The following BRF1 variants were observed in gnomAD, a reference collection of about 807,000 sequenced individuals.
BRF1 encodes the protein transcription factor IIIB 90 kDa subunit.
In BRF1, 59 loss-of-function variants were observed where a neutral mutation model predicts 81.7. That is an observed-to-expected ratio of 0.72 (90% CI 0.59 to 0.90). BRF1 has a LOEUF of 0.90. Among genes scored for constraint, BRF1 ranks in the 40% least tolerant of loss-of-function variants. The pLI is 0.00. For missense variants in BRF1, 1,050 were observed against 936.3 expected, an observed-to-expected ratio of 1.12 and a Z score of -1.58; for synonymous variants, 491 against 395.6, an observed-to-expected ratio of 1.24 and a Z score of -2.86.
chr14:105,248,673 C>T (rs1206707831), intron 5 of BRF1: 6 of 981,412 alleles, frequency 6.1e-6, no homozygotes, highest in Admixed American at 6.3e-5. Context: ...GGCAGGGGAG[C>T]GGGTGGCAGC....
At chr14:105,243,602 A>G (rs78147862) in intron 5 of BRF1, among the ~76,000 whole-genome samples, 2 of 147,306 alleles carry the variant, frequency 1.4e-5, no homozygotes, top group Non-Finnish European at 3.0e-5. Flanking sequence ...TGGGCAACAG[A>G]AAAAAAAAAA....
At position 105,218,226 on chromosome 14, in the gene BRF1, G is replaced by C. The variant is rs184276589; in HGVS notation, c.1516-426C>G. On this transcript the variant is annotated intron_variant, in intron 14 of 17. Transcript: ENST00000547530. ...CCCAGCACCGCTGCCCACGTCAAAGGCCCCAGCTGCCCGAAGACCCTGGAT... is the reference window on the plus strand; with the variant it reads ...CCCAGCACCGCTGCCCACGTCAAAGCCCCCAGCTGCCCGAAGACCCTGGAT... 8.5e-5 allele frequency among the ~76,000 whole-genome samples: 13 copies of C among 152,308 alleles called. No homozygotes were observed. In the East Asian group the frequency reaches 1.9e-3, roughly 23 times the overall value.
intron 1 of BRF1, chr14:105,314,790 G>A (rs1378066455): frequency 4.6e-6 from 1 of 215,840 alleles, no homozygotes; most frequent in Non-Finnish European, 7.6e-6. Context: ...GCCGGGGCCC[G>A]GCCCGTCCCC....
At chr14:105,249,507 G>C (rs746057708) in intron 5 of BRF1, 1 of 1,604,716 alleles carries the variant, frequency 6.2e-7, no homozygotes, top group Non-Finnish European at 8.5e-7. Flanking sequence ...GGAGGGACGG[G>C]TGGGTCCGTT....
Position 105,211,220 on chromosome 14 carries a change from G to T in BRF1, c.1898C>A (p.Pro633His). 1.2e-6 allele frequency: 2 copies of T among 1,611,328 alleles called. No individual in the cohort carries two copies. ...RPQAVLVESGPVSYHADEEAD... is the reference protein window; with the variant it reads ...RPQAVLVESGHVSYHADEEAD... ...CTCCTCGTCGGCGTGGTATGACACG[G>T]GCCCGCTCTCCACCAGCACCGCCTG... The change falls in exon 17 of 18, where the codon CCC becomes CAC. Residue 633 changes from proline to histidine, a missense_variant. Physicochemically the swap from Pro to His is moderately conservative, Grantham distance 77. Coordinates refer to ENST00000547530, the MANE Select transcript of BRF1 (RefSeq NM_001519.4).
intron 3 of BRF1, among the ~76,000 whole-genome samples, chr14:105,272,319 C>T (rs1420744221): frequency 6.6e-6 from 1 of 152,226 alleles, no homozygotes; most frequent in Non-Finnish European, 1.5e-5. Flanking sequence ...TGCAGGCACT[C>T]GGTGTACGCC....
At chr14:105,257,570 C>T (rs1330546145) in intron 3 of BRF1, among the ~76,000 whole-genome samples, 1 of 152,116 alleles carries the variant, frequency 6.6e-6, no homozygotes, top group Admixed American at 6.5e-5. Flanking sequence ...GCGGTGAGGC[C>T]CGTGAACAAA....
intron 15 of BRF1, chr14:105,217,329 C>G: frequency 1.4e-6 from 1 of 718,370 alleles, no homozygotes; most frequent in Non-Finnish European, 2.2e-6. Flanking sequence ...CAGCTGGACC[C>G]GCCCGTCCGC....
intron 1 of BRF1, among the ~76,000 whole-genome samples, chr14:105,287,403 C>G (rs1474455472): frequency 6.6e-6 from 1 of 152,150 alleles, no homozygotes; most frequent in African/African-American, 2.4e-5. Context: ...ATGGGGAGAG[C>G]TGGAAAGTGC....
chr14:105,248,825 G>A (rs1241066485), intron 5 of BRF1: 4 of 987,286 alleles, frequency 4.1e-6, no homozygotes, highest in Non-Finnish European at 4.8e-6. Flanking sequence ...CGCGGGGCGC[G>A]GCGTCCACAG....
chr14:105,216,710 A>ACGGGGCTGCCGAGAGT, intron 15 of BRF1, among the ~76,000 whole-genome samples: 1 of 152,344 alleles, frequency 6.6e-6, no homozygotes, highest in East Asian at 1.9e-4. Flanking sequence ...GGAGGCCCTG[A>ACGGGGCTGCCGAGAGT]CGGGGCTGCC....
Position 105,209,727 on chromosome 14 carries a change from G to A in BRF1, c.*824C>T. The A allele has an allele frequency of 4.9e-6, 3 of 613,502 alleles. No individual in the cohort carries two copies. The highest frequency in any genetic ancestry group is 5.9e-6 in the Non-Finnish European group (2 of 341,046). 38.0% of individuals were successfully genotyped at this position (613,502 alleles called of 1,614,324 possible). A position where few individuals can be genotyped will look rare whatever the true frequency, so the allele number is the denominator to read the frequency against. On this transcript the variant is annotated 3_prime_UTR_variant, in exon 18 of 18. Coordinates refer to ENST00000547530, the MANE Select transcript of BRF1 (RefSeq NM_001519.4). Reference sequence around the variant, plus strand: ...GTCCACGGGGAACTCCCAGCGCCAGGACACTATGCAGGCTATGCCCGCACT... The same window carrying A: ...GTCCACGGGGAACTCCCAGCGCCAGAACACTATGCAGGCTATGCCCGCACT...
At chr14:105,310,502 C>A (rs587646878) in intron 1 of BRF1, among the ~76,000 whole-genome samples, 1 of 144,924 alleles carries the variant, frequency 6.9e-6, no homozygotes, top group Non-Finnish European at 1.5e-5. Context: ...TGCACTCCAG[C>A]CTGGGCGACA....
chr14:105,275,939 G>C (rs1435168124), intron 2 of BRF1, among the ~76,000 whole-genome samples: 1 of 150,264 alleles, frequency 6.7e-6, no homozygotes, highest in East Asian at 2.0e-4. Flanking sequence ...CCTCACTAGA[G>C]AGCTGGGGAG....
intron 2 of BRF1, among the ~76,000 whole-genome samples, chr14:105,280,234 C>G (rs983698281): frequency 3.3e-5 from 5 of 152,332 alleles, no homozygotes; most frequent in Admixed American, 2.0e-4. Flanking sequence ...ACAGGCTGTG[C>G]AGAGACCTGG....
At chr14:105,257,154 G>A (rs1351356084) in intron 3 of BRF1, among the ~76,000 whole-genome samples, 1 of 152,182 alleles carries the variant, frequency 6.6e-6, no homozygotes, top group Non-Finnish European at 1.5e-5. Flanking sequence ...ACAGGACCAA[G>A]AATGTGTCCT....
In BRF1 at chr14:105,209,689, G is replaced by A; in HGVS notation, c.*862C>T. 1.5e-6 allele frequency: 1 copy of A among 650,796 alleles called. No homozygotes were observed. Among genetic ancestry groups the A allele is most frequent in the African/African-American group, 1.8e-5 (1 of 56,048 alleles). 40.3% of individuals were successfully genotyped at this position (650,796 alleles called of 1,614,324 possible). On this transcript the variant is annotated 3_prime_UTR_variant, in exon 18 of 18. Transcript: ENST00000547530. ...TCCAGCTCTGACAGGGAGCGCCACT[G>A]CCCTCTGGCTCTGTCCACGGGGAAC...
chr14:105,289,476 C>G (rs1430725053), intron 1 of BRF1, among the ~76,000 whole-genome samples: 1 of 152,230 alleles, frequency 6.6e-6, no homozygotes, highest in Non-Finnish European at 1.5e-5. Flanking sequence ...GGGAGAAACG[C>G]AGGACTCAGG....
At chr14:105,278,001 A>C (rs745960673) in intron 2 of BRF1, among the ~76,000 whole-genome samples, 1 of 152,170 alleles carries the variant, frequency 6.6e-6, no homozygotes, top group African/African-American at 2.4e-5. Flanking sequence ...TGATCCACCC[A>C]TCTCCGCCTC....
Sources: allele counts gnomAD v4.1 joint callset (sites outside exome capture counted in the v4.1 genomes callset), GRCh38; gene constraint gnomAD v4.1.1; transcripts MANE v1.5; gene names NCBI Gene and HGNC (gene_info 2026-07-23, HGNC 2026-07-21).